The following COBLL1 variants were observed in gnomAD, a reference collection of about 807,000 sequenced individuals.
The protein encoded by COBLL1 is cordon-bleu WH2 repeat protein like 1.
COBLL1 carries 50 observed loss-of-function variants against 94.8 expected under a neutral mutation model. The ratio of observed to expected loss-of-function variants is 0.53; its 90% CI spans 0.42 to 0.67. The LOEUF is 0.67. Among genes scored for constraint, COBLL1 ranks in the 30% least tolerant of loss-of-function variants. The pLI is 0.00. For missense variants in COBLL1, 1,362 were observed against 1,348.7 expected (o/e 1.01, Z -0.15); for synonymous variants, 448 against 473.8 (o/e 0.95, Z 0.71).
chr2:164,820,898 T>G (rs1685136396), intron 2 of COBLL1, among the ~76,000 whole-genome samples: 1 of 152,164 alleles, frequency 6.6e-6, no homozygotes, highest in African/African-American at 2.4e-5. Context: ...TTTGTTTTGT[T>G]TTGTTTTGAG....
chr2:164,800,966 T>C (rs1406060844), intron 2 of COBLL1, among the ~76,000 whole-genome samples: 3 of 152,162 alleles, frequency 2.0e-5, no homozygotes, highest in African/African-American at 4.8e-5. Context: ...TATGTCCTGA[T>C]AGTGGTGGGA....
rs774976978 is a variant in COBLL1 at position 164,700,744 on chromosome 2, G to A, written c.1238C>T (p.Ser413Phe). 3 of 1,596,250 alleles carry A rather than the reference G, an allele frequency of 1.9e-6. No homozygotes were observed. The highest frequency in any genetic ancestry group is 2.6e-6 in the Non-Finnish European group (3 of 1,165,990). ...ATCTATCTCTTCAAGGCTATAATCA[G>A]AGCTTATTCCAGCTACAAAGAAATG... Reference protein sequence around the residue: ...EELSSPAGISSDYSLEEIDEK... With the variant: ...EELSSPAGISFDYSLEEIDEK... Residue 413 changes from serine to phenylalanine, a missense_variant, in exon 10 of 14, where the codon TCT (serine) becomes TTT (phenylalanine). Ser to Phe is a radical substitution (Grantham distance 155, BLOSUM62 -2). Transcript: ENST00000652658.
intron 3 of COBLL1, among the ~76,000 whole-genome samples, chr2:164,739,710 T>C (rs1186021031): frequency 6.6e-6 from 1 of 152,224 alleles, no homozygotes; most frequent in Non-Finnish European, 1.5e-5. Context: ...CAAATTCTTG[T>C]ATTATTCTGT....
rs1221402579 is a variant in COBLL1, at chr2:164,694,544, G to A, written c.2848C>T (p.Pro950Ser). ...GQAPAEASPP[P>S]IAPKPVTIPA... ...ATTGTCACAGGTTTTGGAGCTATGG[G>A]AGGAGGGGAGGCTTCAGCAGGAGCC... Residue 950 changes from proline to serine, a missense_variant, in exon 12 of 14, where the codon CCC (proline) becomes TCC (serine). Pro to Ser is a moderately conservative substitution (Grantham distance 74, BLOSUM62 -1). Coordinates refer to ENST00000652658, the MANE Select transcript of COBLL1 (RefSeq NM_001365672.2). 1.2e-6 allele frequency: 2 copies of A among 1,613,988 alleles called. No homozygotes were observed. The highest frequency in any genetic ancestry group is 1.7e-5 in the Admixed American group (1 of 59,974).
intron 5 of COBLL1, chr2:164,727,019 A>G: frequency 1.6e-6 from 1 of 627,400 alleles, no homozygotes; most frequent in Non-Finnish European, 2.7e-6. Flanking sequence ...CACGTTAGTG[A>G]TGTTAAGAAA....
In COBLL1 at chr2:164,700,562, AG is replaced by A; in HGVS notation, c.1419del (p.Ser474ProfsTer19). ...LGNGSGEFSQ[N>X]SMEEKQETKS... is the part of the protein sequence containing the mutation. ...TTAGTTTCTTGTTTTTCTTCCATGG[AG>A]TTTTGTGAGAACTCTCCACTACCAT... On this transcript the variant is annotated frameshift_variant, in exon 10 of 14. Coordinates refer to ENST00000652658, the MANE Select transcript of COBLL1 (RefSeq NM_001365672.2). LOFTEE classifies it high-confidence loss of function. 6.2e-7 allele frequency: 1 copy of A among 1,613,586 alleles called. No homozygotes were observed. The highest frequency in any genetic ancestry group is 1.1e-5 in the South Asian group (1 of 91,054).
At chr2:164,698,279 C>G (rs1438615268) in intron 11 of COBLL1, 1 of 151,594 alleles carries the variant, frequency 6.6e-6, no homozygotes, top group African/African-American at 2.4e-5. Context: ...AAATTATTTG[C>G]TTTTAGACCT....
intron 3 of COBLL1, chr2:164,738,397 T>C (rs978686867): frequency 6.6e-6 from 1 of 152,234 alleles, no homozygotes; most frequent in Non-Finnish European, 1.5e-5. Flanking sequence ...ACAGATCATA[T>C]ACAAATGTAC....
intron 2 of COBLL1, among the ~76,000 whole-genome samples, chr2:164,757,460 C>T (rs1687469580): frequency 6.6e-6 from 1 of 152,018 alleles, no homozygotes; most frequent in South Asian, 2.1e-4. Context: ...GAAAATTCCT[C>T]ATGAAAGAAA....
intron 2 of COBLL1, among the ~76,000 whole-genome samples, chr2:164,814,866 C>T (rs1249996689): frequency 6.6e-6 from 1 of 152,152 alleles, no homozygotes; most frequent in Admixed American, 6.5e-5. Flanking sequence ...CTCTTAATTA[C>T]CTGTCATCTA....
intron 7 of COBLL1, among the ~76,000 whole-genome samples, chr2:164,709,204 A>G (rs1684758938): frequency 1.3e-5 from 2 of 152,318 alleles, no homozygotes; most frequent in Admixed American, 6.5e-5. Context: ...CAAAACAGAC[A>G]TATTTCAGTT....
At chr2:164,671,964 G>A (rs1367107127) in intron 1 of COBLL1, among the ~76,000 whole-genome samples, 2 of 152,178 alleles carry the variant, frequency 1.3e-5, no homozygotes, top group Non-Finnish European at 2.9e-5. Context: ...TCTTCAATAT[G>A]TGTCTATATC....
chr2:164,661,614 A>G (rs1407104489), intron 2 of COBLL1, among the ~76,000 whole-genome samples: 1 of 152,110 alleles, frequency 6.6e-6, no homozygotes, highest in East Asian at 1.9e-4. Flanking sequence ...AAGTTCACTG[A>G]TTACTATCTT....
chr2:164,818,313 C>CATATGTAT (rs1559045868), intron 2 of COBLL1, among the ~76,000 whole-genome samples: 15 of 99,016 alleles, frequency 1.5e-4, no homozygotes, highest in African/African-American at 3.7e-4. Context: ...TATACATATA[C>CATATGTAT]ACGTGTGTAT....
At chr2:164,789,020 A>AACACACACACACACACACACACAC (rs56773751) in intron 2 of COBLL1, among the ~76,000 whole-genome samples, 138 of 141,660 alleles carry the variant, frequency 9.7e-4, no homozygotes, top group Non-Finnish European at 1.7e-3. Context: ...TAGAGGTTTA[A>AACACACACACACACACACACACAC]ACACACACAC....
In COBLL1 at chr2:164,695,479, A is replaced by C; in HGVS notation, c.1913T>G (p.Ile638Arg). Residue 638 changes from isoleucine to arginine, a missense_variant, in exon 12 of 14, where the codon ATA becomes AGA. Physicochemically the swap from Ile to Arg is moderately conservative, Grantham distance 97. Coordinates refer to ENST00000652658, the MANE Select transcript of COBLL1 (RefSeq NM_001365672.2). ...ACTTAAGCATGAGTGTTGAGTTGAT[A>C]TGTTGTTATTTGAAGTTTGCACACA... Reference protein sequence around the residue: ...EECVQTSNNNISTQHSCLSSQ... With the variant: ...EECVQTSNNNRSTQHSCLSSQ... 1 of 1,613,902 alleles carries C rather than the reference A, an allele frequency of 6.2e-7. No individual in the cohort carries two copies. The highest frequency in any genetic ancestry group is 2.2e-5 in the East Asian group (1 of 44,858).
At chr2:164,834,377 T>C (rs528610688) in intron 2 of COBLL1, among the ~76,000 whole-genome samples, 16 of 152,206 alleles carry the variant, frequency 1.1e-4, no homozygotes, top group Non-Finnish European at 2.2e-4. Flanking sequence ...ATCTTATAAA[T>C]GTTAAAAGTC....
chr2:164,725,134 A>ATATATATATATATATATATAT (rs1558956185), intron 5 of COBLL1: 32 of 55,340 alleles, frequency 5.8e-4, no homozygotes, highest in African/African-American at 2.6e-3. Flanking sequence ...ATATATATAT[A>ATATATATATATATATATATAT]AAATGAAAGC....
chr2:164,779,116 G>A (rs1342542141), intron 2 of COBLL1, among the ~76,000 whole-genome samples: 1 of 151,982 alleles, frequency 6.6e-6, no homozygotes, highest in Non-Finnish European at 1.5e-5. Context: ...TGTTGTTGTT[G>A]TTGTTTTGTT....
Sources: allele counts gnomAD v4.1 joint callset (sites outside exome capture counted in the v4.1 genomes callset), GRCh38; gene constraint gnomAD v4.1.1; transcripts MANE v1.5; gene names NCBI Gene and HGNC (gene_info 2026-07-23, HGNC 2026-07-21).